The following SLC44A1 variants were observed in gnomAD, a reference collection of about 807,000 sequenced individuals.
SLC44A1 encodes the protein solute carrier family 44 member 1.
SLC44A1 carries 26 observed loss-of-function variants against 79.3 expected under a neutral mutation model. The ratio of observed to expected loss-of-function variants is 0.33; its 90% confidence interval spans 0.24 to 0.46. The LOEUF is 0.46. Among genes scored for constraint, SLC44A1 ranks in the 20% least tolerant of loss-of-function variants. SLC44A1 has a pLI of 1.00. For synonymous variants in SLC44A1, 263 were observed against 286.2 expected, an observed-to-expected ratio of 0.92 and a Z score of 0.82; for missense variants, 688 against 798.1, an observed-to-expected ratio of 0.86 and a Z score of 1.66.
Position 105,340,339 on chromosome 9 carries a change from A to G in SLC44A1, c.406+4640A>G, listed in dbSNP as rs371702258. Among the ~76,000 whole-genome samples the G allele has an allele frequency of 3.9e-5, 6 of 152,356 alleles. No individual in the cohort carries two copies. In the East Asian group the frequency reaches 9.6e-4, roughly 24 times the overall value. On this transcript the variant is annotated intron_variant, in intron 4 of 15. Transcript: ENST00000374720. ...TCCACCCTGGAGTAGTCAAATTTAT[A>G]TAGACAGAAAGTAGAATGATAGTTG...
intron 3 of SLC44A1, among the ~76,000 whole-genome samples, chr9:105,327,795 T>A (rs2131344620): frequency 6.6e-6 from 1 of 152,304 alleles, no homozygotes; most frequent in East Asian, 1.9e-4. Flanking sequence ...CCTATCCTGA[T>A]TTTCCATTAA....
chr9:105,324,987 A>G (rs888632353), intron 3 of SLC44A1, among the ~76,000 whole-genome samples: 4 of 152,204 alleles, frequency 2.6e-5, no homozygotes, highest in Non-Finnish European at 4.4e-5. Flanking sequence ...TGATCCAGCA[A>G]TTCCACTCCT....
chr9:105,400,529 A>T (rs979511302), downstream of SLC44A1, among the ~76,000 whole-genome samples: 3 of 151,914 alleles, frequency 2.0e-5, no homozygotes, highest in Non-Finnish European at 4.4e-5. Context: ...AAACTACAAC[A>T]TGTCAATGTT....
At chr9:105,379,783 T>C (rs928868823) in intron 13 of SLC44A1, among the ~76,000 whole-genome samples, 4 of 152,294 alleles carry the variant, frequency 2.6e-5, no homozygotes, top group Admixed American at 1.3e-4. Flanking sequence ...AGTATTGATA[T>C]TTGTCCTAAT....
chr9:105,388,317 T>A (rs1828682326), intron 15 of SLC44A1, among the ~76,000 whole-genome samples: 1 of 152,178 alleles, frequency 6.6e-6, no homozygotes, highest in Admixed American at 6.6e-5. Context: ...CTACTGAAAG[T>A]TTGGGGATTG....
chr9:105,357,359 T>A lies in SLC44A1; in HGVS notation c.670+978T>A, dbSNP rs923541937. The A allele has an allele frequency of 4.6e-5, 7 of 152,268 alleles. No homozygotes were observed. The East Asian group carries it at 1.2e-3, about 25-fold the overall frequency. 9.4% of individuals were successfully genotyped at this position (152,268 alleles called of 1,614,324 possible). A position where few individuals can be genotyped will look rare whatever the true frequency, so the allele number is the denominator to read the frequency against. ...CTGTTAGTCTAGCTTTATATCAAAA[T>A]TATTTGGTTTTTGAAATAGTTAAAA... On this transcript the variant is annotated intron_variant, in intron 6 of 15. Transcript: ENST00000374720.
chr9:105,399,742 A>ATATAGT (rs10660646), downstream of SLC44A1, among the ~76,000 whole-genome samples: 147,032 of 152,094 alleles, frequency 0.97, 71,047 homozygotes, highest in East Asian at 1. Flanking sequence ...AATGTTTATA[A>ATATAGT]TAGTGAAGAA....
At chr9:105,313,509 C>T (rs972462586) in intron 3 of SLC44A1, among the ~76,000 whole-genome samples, 3 of 152,162 alleles carry the variant, frequency 2.0e-5, no homozygotes, top group African/African-American at 7.2e-5. Context: ...GGTTCCCCTT[C>T]TAAGCTCCTG....
At chr9:105,431,072 T>G (rs1463745924) in intron 15 of SLC44A1, among the ~76,000 whole-genome samples, 1 of 152,210 alleles carries the variant, frequency 6.6e-6, no homozygotes, top group East Asian at 1.9e-4. Context: ...ATTATCTGTC[T>G]TTTCCTTGGT....
At chr9:105,328,658 A>G (rs1826657142) in intron 3 of SLC44A1, among the ~76,000 whole-genome samples, 1 of 152,234 alleles carries the variant, frequency 6.6e-6, no homozygotes, top group South Asian at 2.1e-4. Flanking sequence ...AGAAAGGGCC[A>G]TGAAAGTTTC....
chr9:105,361,922 GCA>G, intron 8 of SLC44A1, among the ~76,000 whole-genome samples: 1 of 152,158 alleles, frequency 6.6e-6, no homozygotes, highest in East Asian at 1.9e-4. Context: ...ATGCTGGTGT[GCA>G]CCTGTGGTCC....
intron 15 of SLC44A1, among the ~76,000 whole-genome samples, chr9:105,412,064 T>C (rs1829102216): frequency 6.6e-6 from 1 of 152,240 alleles, no homozygotes; most frequent in South Asian, 2.1e-4. Flanking sequence ...GATGATTTTC[T>C]AATTTCATCA....
intron 3 of SLC44A1, among the ~76,000 whole-genome samples, chr9:105,324,313 T>A (rs988165029): frequency 1.6e-4 from 23 of 147,648 alleles, no homozygotes; most frequent in South Asian, 6.5e-4. Context: ...TGCAGTGGGG[T>A]GATCTCGGCT....
At chr9:105,247,666 G>C (rs1829489924) in intron 1 of SLC44A1, among the ~76,000 whole-genome samples, 1 of 152,174 alleles carries the variant, frequency 6.6e-6, no homozygotes, top group Non-Finnish European at 1.5e-5. Context: ...TAAGCTTCTT[G>C]AGCACAGGAA....
chr9:105,338,933 G>A (rs946152863), intron 4 of SLC44A1, among the ~76,000 whole-genome samples: 3 of 152,054 alleles, frequency 2.0e-5, no homozygotes, highest in Non-Finnish European at 2.9e-5. Context: ...CAGTAAGAGG[G>A]GCTAGTTAAA....
intron 13 of SLC44A1, among the ~76,000 whole-genome samples, chr9:105,376,340 CACACACACACT>C (rs1341990964): frequency 0.04 from 5,317 of 131,776 alleles, 144 homozygotes; most frequent in African/African-American, 0.097. Flanking sequence ...CACACACACA[CACACACACACT>C]ACACACACAC....
chr9:105,339,944 A>T (rs1215380603), intron 4 of SLC44A1, among the ~76,000 whole-genome samples: 3 of 152,254 alleles, frequency 2.0e-5, no homozygotes, highest in Non-Finnish European at 4.4e-5. Context: ...AAAATTGAGG[A>T]CACTATGCTA....
rs141754972 is a variant in SLC44A1 at position 105,336,379 on chromosome 9, A to C, written c.406+680A>C. Reference sequence around the variant, plus strand: ...CTTTGAGGCTAAAGATAGAGGAATTAGCTGAGAAAACTAACATAGTTTCCT... The same window carrying C: ...CTTTGAGGCTAAAGATAGAGGAATTCGCTGAGAAAACTAACATAGTTTCCT... On this transcript the variant is annotated intron_variant, in intron 4 of 15. Transcript: ENST00000374720. Among the ~76,000 whole-genome samples, 5 of 152,332 alleles carry C rather than the reference A, an allele frequency of 3.3e-5. No individual in the cohort carries two copies. The East Asian group carries it at 9.6e-4, about 29-fold the overall frequency.
At chr9:105,328,056 C>T (rs74404602) in intron 3 of SLC44A1, among the ~76,000 whole-genome samples, 1,811 of 152,334 alleles carry the variant, frequency 0.012, 37 homozygotes, top group African/African-American at 0.042. Context: ...TCCTTACCTT[C>T]ACTCCCCTCT....
Sources: allele counts gnomAD v4.1 joint callset (sites outside exome capture counted in the v4.1 genomes callset), GRCh38; gene constraint gnomAD v4.1.1; transcripts MANE v1.5; gene names NCBI Gene and HGNC (gene_info 2026-07-23, HGNC 2026-07-21).